Variants in ACE observed in about 807,000 individuals in gnomAD.
ACE encodes angiotensin-converting enzyme.
A neutral mutation model predicts 162.3 loss-of-function variants in ACE; 122 were observed. The ratio of observed to expected loss-of-function variants is 0.75; its 90% CI spans 0.65 to 0.87. The LOEUF is 0.87. Ranked by LOEUF, ACE falls within the 40% of genes least tolerant of loss-of-function variation. The pLI is 0.00. For synonymous variants in ACE, 796 were observed against 720.6 expected, an observed-to-expected ratio of 1.10 and a Z score of -1.68; for missense variants, 1,799 against 1,735.1, an observed-to-expected ratio of 1.04 and a Z score of -0.65.
In ACE at chr17:63,477,308, G is replaced by C. The variant is rs752559637; in HGVS notation, c.214G>C (p.Asp72His). ...FQSVAASWAH[D>H]TNITAENARR... ...GAGCGTGGCCGCCAGCTGGGCGCACGACACCAACATCACCGCGGAGAATGC... is the reference window on the plus strand; with the variant it reads ...GAGCGTGGCCGCCAGCTGGGCGCACCACACCAACATCACCGCGGAGAATGC... The change falls in exon 1 of 25, where the codon GAC (aspartate) becomes CAC (histidine). Residue 72 changes from aspartate (D) to histidine (H), a missense_variant. Physicochemically the swap from Asp to His is moderately conservative, Grantham distance 81 (BLOSUM62 -1). Coordinates refer to ENST00000290866, the MANE Select transcript of ACE (RefSeq NM_000789.4). 8 of 1,420,388 alleles carry C rather than the reference G, an allele frequency of 5.6e-6. No individual in the cohort carries two copies. In the Admixed American group the frequency reaches 7.1e-5, roughly 13 times the overall value. 88.0% of individuals were successfully genotyped at this position (1,420,388 alleles called of 1,614,324 possible).
chr17:63,483,011 C>T lies in ACE; in HGVS notation c.1343-18C>T, dbSNP rs755786695. 49 of 1,613,566 alleles carry T rather than the reference C, an allele frequency of 3.0e-5. 1 individual carries two copies. In the Admixed American group the frequency reaches 3.5e-4, roughly 12 times the overall value. ...CCCTCTGACCTCTTCCCTCTCCTTT[C>T]ATCTCATCTCCCAACAGAAAGTGAC... On this transcript the variant is annotated intron_variant, in intron 8 of 24. Coordinates refer to ENST00000290866, the MANE Select transcript of ACE (RefSeq NM_000789.4).
At chr17:63,483,342 C>A in intron 9 of ACE, 118 bp from the exon 10 acceptor site, 1 of 1,466,980 alleles carries the variant, frequency 6.8e-7, no homozygotes, top group South Asian at 1.1e-5. Context: ...TCCAGGAAGT[C>A]TTCCCCAGTT....
Position 63,490,962 on chromosome 17 carries a change from T to C in ACE, c.2650T>C (p.Trp884Arg), listed in dbSNP as rs568842388. Residue 884 changes from tryptophan to arginine, a missense_variant, in exon 18 of 25, where the codon TGG (tryptophan) becomes CGG (arginine). Transcript: ENST00000290866. Reference sequence around the variant, plus strand: ...CCCACACTCGCCTCCAGGGAACATGTGGGCGCAGACCTGGTCCAACATCTA... The same window carrying C: ...CCCACACTCGCCTCCAGGGAACATGCGGGCGCAGACCTGGTCCAACATCTA... ...PIPAHLLGNM[W>R]AQTWSNIYDL... The C allele has an allele frequency of 1.2e-5, 19 of 1,614,196 alleles. No individual in the cohort carries two copies. The African/African-American group carries it at 1.7e-4, about 15-fold the overall frequency.
chr17:63,486,960 C>T, intron 14 of ACE, 26 bp from the exon 15 acceptor site: 1 of 1,587,504 alleles, frequency 6.3e-7, no homozygotes, highest in Non-Finnish European at 8.7e-7. Context: ...AGGAGTACAG[C>T]TCATTGCCTC....
intron 22 of ACE, among the ~76,000 whole-genome samples, chr17:63,495,149 ACT>A (rs922960913): frequency 2.0e-5 from 3 of 151,802 alleles, no homozygotes; most frequent in African/African-American, 7.3e-5. Flanking sequence ...ACTATTCATC[ACT>A]CTCTAGTGGA....
intron 19 of ACE, among the ~76,000 whole-genome samples, chr17:63,492,828 C>T (rs1020685009): frequency 5.3e-5 from 8 of 152,156 alleles, no homozygotes; most frequent in African/African-American, 1.7e-4. Context: ...TCGAGACCAT[C>T]CTGGGCAACA....
In ACE at chr17:63,482,462, C is replaced by T. The variant is rs2049726037; in HGVS notation, c.1119-4C>T. 1.2e-6 allele frequency: 2 copies of T among 1,613,844 alleles called. No homozygotes were observed. The highest frequency in any genetic ancestry group is 8.5e-7 in the Non-Finnish European group (1 of 1,179,910). On this transcript the variant is annotated splice_polypyrimidine_tract_variant and splice_region_variant and intron_variant, in intron 7 of 24. Transcript: ENST00000290866. ...CTCTCACCCTCGCCCTCTCTACGCC[C>T]CAGGATCAAGCAGTGCACACGGGTC...
At position 63,484,420 on chromosome 17, in the gene ACE, C is replaced by T; in HGVS notation, c.1800C>T (p.Leu600=). The change falls in exon 12 of 25, where the codon CTC becomes CTT. Residue 600 remains leucine, a synonymous_variant. Coordinates refer to ENST00000290866, the MANE Select transcript of ACE (RefSeq NM_000789.4). This position sits in a 1 kb window ranked among gnomAD's most constrained non-coding sequence, Gnocchi z 4.0. ...GLDALDAQPL[L]KYFQPVTQWL... is the part of the protein sequence containing the mutation. ...ATGCCCTGGATGCCCAGCCGCTGCT[C>T]AAGTACTTCCAGCCAGTCACCCAGT... 1.2e-6 allele frequency: 2 copies of T among 1,612,410 alleles called. No homozygotes were observed. Among genetic ancestry groups the T allele is most frequent in the South Asian group, 1.1e-5 (1 of 90,902 alleles).
Position 63,483,568 on chromosome 17 carries a change from C to CGGGGGGGCG in ACE, c.1586+10_1586+11insGGGGGGGCG. On this transcript the variant is annotated intron_variant, in intron 10 of 24. Coordinates refer to ENST00000290866, the MANE Select transcript of ACE (RefSeq NM_000789.4). Reference sequence around the variant, plus strand: ...TGACACCATACATCAGGTATTAGCGCCCCCACCCCACCCACCCCCAGTACT... The same window carrying CGGGGGGGCG: ...TGACACCATACATCAGGTATTAGCGCGGGGGGGCGCCCCACCCCACCCACCCCCAGTACT... 4.4e-6 allele frequency: 7 copies of CGGGGGGGCG among 1,585,772 alleles called. No homozygotes were observed. Among genetic ancestry groups the CGGGGGGGCG allele is most frequent in the Non-Finnish European group, 6.0e-6 (7 of 1,159,880 alleles).
intron 1 of ACE, 83 bp from the exon 2 acceptor site, chr17:63,477,848 C>T (rs766058026): frequency 7.2e-6 from 11 of 1,526,538 alleles, no homozygotes; most frequent in South Asian, 4.8e-5. Flanking sequence ...CCTTCCTCCC[C>T]TCCCCCAGCA....
intron 22 of ACE, among the ~76,000 whole-genome samples, chr17:63,495,406 C>T (rs989636893): frequency 6.6e-5 from 10 of 152,190 alleles, no homozygotes; most frequent in Non-Finnish European, 1.2e-4. Context: ...CCTGGCCTCC[C>T]GTGGTTCCTG....
intron 2 of ACE, 110 bp downstream of exon 2, chr17:63,478,208 C>T (rs945596173): frequency 7.2e-7 from 1 of 1,391,766 alleles, no homozygotes; most frequent in Non-Finnish European, 9.7e-7. Flanking sequence ...TCCACATGGG[C>T]CCTGACAGAA....
chr17:63,483,794 A>G, intron 10 of ACE, 55 bp from the exon 11 acceptor site: 1 of 1,610,996 alleles, frequency 6.2e-7, no homozygotes, highest in Non-Finnish European at 8.5e-7. Flanking sequence ...CTGGGTAAGG[A>G]ACCCCTGTTC....
chr17:63,486,431 G>T, intron 13 of ACE, 126 bp from the exon 14 acceptor site: 2 of 1,024,606 alleles, frequency 2.0e-6, no homozygotes, highest in Non-Finnish European at 3.0e-6. Context: ...TATAGGCAAA[G>T]GTTGCAACTT....
In ACE at chr17:63,485,326, A is replaced by C. The variant is rs538715770; in HGVS notation, c.2012A>C (p.Asn671Thr). The stretch of plus-strand genomic sequence containing the variant: ...GTGTGGAACGAGTATGCCGAGGCCA[A>C]CTGGAACTACAACACCAACATCACC... ...QVVWNEYAEA[N>T]WNYNTNITTE... The change falls in exon 13 of 25, where the codon AAC becomes ACC. Residue 671 changes from asparagine to threonine, a missense_variant. By Grantham distance (65) the Asn-to-Thr change is moderately conservative. Coordinates refer to ENST00000290866, the MANE Select transcript of ACE (RefSeq NM_000789.4). 4 of 1,613,944 alleles carry C rather than the reference A, an allele frequency of 2.5e-6. No individual in the cohort carries two copies. The highest frequency in any genetic ancestry group is 2.2e-5 in the South Asian group (2 of 91,046).
chr17:63,480,118 C>T (rs1402594666), intron 4 of ACE, among the ~76,000 whole-genome samples: 2 of 152,262 alleles, frequency 1.3e-5, no homozygotes, highest in African/African-American at 4.8e-5. Flanking sequence ...ATCCTGCTGT[C>T]ACTCCTGGCC....
chr17:63,480,951 A>G, intron 5 of ACE, 140 bp from the exon 6 acceptor site: 1 of 792,234 alleles, frequency 1.3e-6, no homozygotes, highest in Admixed American at 1.9e-5. Flanking sequence ...GATGTGTGAG[A>G]TTTCTGGCCC....
Position 63,481,124 on chromosome 17 carries a change from A to G in ACE, c.881A>G (p.Tyr294Cys). 1.9e-6 allele frequency: 3 copies of G among 1,594,910 alleles called. No individual in the cohort carries two copies. Among genetic ancestry groups the G allele is most frequent in the Non-Finnish European group, 2.6e-6 (3 of 1,168,310 alleles). Residue 294 changes from tyrosine to cysteine, a missense_variant, in exon 6 of 25, where the codon TAC becomes TGC. By Grantham distance (194) the Tyr-to-Cys change is radical. Coordinates refer to ENST00000290866, the MANE Select transcript of ACE (RefSeq NM_000789.4). ...DMWAQSWENI[Y>C]DMVVPFPDKP... ...TGGGCCCAGAGCTGGGAAAACATCT[A>G]CGACATGGTGGTGCCTTTCCCAGAC...
At chr17:63,493,270 C>T (rs535114570) in intron 19 of ACE, among the ~76,000 whole-genome samples, 166 bp from the exon 20 acceptor site, 7 of 152,298 alleles carry the variant, frequency 4.6e-5, no homozygotes, top group South Asian at 2.1e-4. Flanking sequence ...TTCCCTCTTA[C>T]GCACACTCAG....
Sources: allele counts gnomAD v4.1 joint callset (sites outside exome capture counted in the v4.1 genomes callset), GRCh38; gene constraint gnomAD v4.1.1; non-coding constraint Gnocchi (gnomAD v3.1); transcripts MANE v1.5; gene names NCBI Gene and HGNC (gene_info 2026-07-23, HGNC 2026-07-21).